The following STAP1 variants were observed in gnomAD, a reference collection of about 807,000 sequenced individuals.
STAP1 encodes signal-transducing adaptor protein 1.
STAP1 carries 30 observed loss-of-function variants against 37.8 expected under a neutral mutation model. That is an observed-to-expected ratio of 0.79 (90% CI 0.59 to 1.08). STAP1 has a LOEUF of 1.08. Ranked by LOEUF, STAP1 falls within the 50% of genes least tolerant of loss-of-function variation. STAP1 has a pLI of 0.00. For synonymous variants in STAP1, 130 were observed against 116.0 expected (o/e 1.12, Z -0.78); for missense variants, 357 against 349.4 (o/e 1.02, Z -0.17).
intron 5 of STAP1, among the ~76,000 whole-genome samples, chr4:67,583,317 A>T (rs940088435): frequency 3.9e-5 from 6 of 152,234 alleles, no homozygotes; most frequent in Non-Finnish European, 7.3e-5. Flanking sequence ...ACTGATCAGT[A>T]GATAACTTTT....
At chr4:67,589,327 GA>G (rs1248620515) in intron 6 of STAP1, among the ~76,000 whole-genome samples, 1 of 152,170 alleles carries the variant, frequency 6.6e-6, no homozygotes, top group Non-Finnish European at 1.5e-5. Context: ...TTTTAGGAAG[GA>G]AAAGGGTTGG....
intron 6 of STAP1, among the ~76,000 whole-genome samples, chr4:67,588,794 A>T (rs961029529): frequency 4.6e-5 from 7 of 152,160 alleles, no homozygotes; most frequent in Admixed American, 4.6e-4. Flanking sequence ...ACTGGCAAAC[A>T]TTTCCTTCAG....
chr4:67,570,982 T>C, intron 1 of STAP1, 102 bp from the exon 2 acceptor site: 1 of 921,214 alleles, frequency 1.1e-6, no homozygotes, highest in Non-Finnish European at 1.7e-6. Context: ...AGAAGACTTC[T>C]TATATCACAC....
In STAP1 at chr4:67,565,920, C is replaced by G. The variant is rs1005607423; in HGVS notation, c.121-5164C>G. On this transcript the variant is annotated intron_variant, in intron 1 of 8. Transcript: ENST00000265404. ...GCAGTCATACCCACTTCTCTTCCCCCCTCAACCCAACTGCTTTTTTTTTTT... is the reference window on the plus strand; with the variant it reads ...GCAGTCATACCCACTTCTCTTCCCCGCTCAACCCAACTGCTTTTTTTTTTT... Among the ~76,000 whole-genome samples, 8 of 151,004 alleles carry G rather than the reference C, an allele frequency of 5.3e-5. No homozygotes were observed. The East Asian group carries it at 1.2e-3, about 22-fold the overall frequency.
intron 6 of STAP1, among the ~76,000 whole-genome samples, chr4:67,589,193 G>T (rs1728068269): frequency 6.6e-6 from 1 of 152,200 alleles, no homozygotes; most frequent in Non-Finnish European, 1.5e-5. Flanking sequence ...TTATTATGAT[G>T]TGATAAAGAT....
intron 2 of STAP1, among the ~76,000 whole-genome samples, chr4:67,572,779 A>G (rs1727634564): frequency 6.6e-6 from 1 of 152,230 alleles, no homozygotes; most frequent in African/African-American, 2.4e-5. Flanking sequence ...TGCATTGCCT[A>G]ATTTAAGTCT....
intron 3 of STAP1, among the ~76,000 whole-genome samples, chr4:67,576,602 G>T (rs1727725896): frequency 6.6e-6 from 1 of 152,096 alleles, no homozygotes. Flanking sequence ...GACCTCCCAG[G>T]CTCAAGCAAC....
At chr4:67,568,681 T>C in intron 1 of STAP1, among the ~76,000 whole-genome samples, 1 of 152,216 alleles carries the variant, frequency 6.6e-6, no homozygotes, top group Non-Finnish European at 1.5e-5. Flanking sequence ...AAGTTCAGCT[T>C]TGATGGTGTT....
At chr4:67,582,604 A>G (rs1425263100) in intron 5 of STAP1, among the ~76,000 whole-genome samples, 2 of 149,972 alleles carry the variant, frequency 1.3e-5, no homozygotes, top group Non-Finnish European at 3.0e-5. Flanking sequence ...CACCATGCCC[A>G]GGCTTCTACC....
intron 1 of STAP1, among the ~76,000 whole-genome samples, chr4:67,567,370 G>A (rs184262122): frequency 1.8e-3 from 267 of 151,996 alleles, no homozygotes; most frequent in Non-Finnish European, 3.3e-3. Flanking sequence ...TTCTCAACTG[G>A]GGGGAGGATA....
intron 2 of STAP1, among the ~76,000 whole-genome samples, chr4:67,573,879 A>G (rs982237390): frequency 5.9e-5 from 9 of 152,246 alleles, no homozygotes; most frequent in African/African-American, 2.2e-4. Flanking sequence ...AGAACTCAAG[A>G]ATGAGGCTAA....
intron 1 of STAP1, among the ~76,000 whole-genome samples, chr4:67,566,862 G>A (rs1322717080): frequency 6.6e-6 from 1 of 151,958 alleles, no homozygotes; most frequent in Non-Finnish European, 1.5e-5. Flanking sequence ...CCTAGCTACT[G>A]GGGAGGCTGA....
intron 1 of STAP1, among the ~76,000 whole-genome samples, chr4:67,559,278 A>T (rs943731766): frequency 2.0e-5 from 3 of 152,150 alleles, no homozygotes; most frequent in Admixed American, 1.3e-4. Flanking sequence ...ATTTATTGCT[A>T]TGCTTCAATG....
At chr4:67,567,369 G>T (rs200934996) in intron 1 of STAP1, among the ~76,000 whole-genome samples, 5 of 50,168 alleles carry the variant, frequency 1.0e-4, no homozygotes, top group African/African-American at 2.8e-4. Context: ...GTTCTCAACT[G>T]GGGGGAGGAT....
At chr4:67,588,039 TAAAAAAAAAA>T (rs3032636) in intron 6 of STAP1, among the ~76,000 whole-genome samples, 17 of 85,636 alleles carry the variant, frequency 2.0e-4, no homozygotes, top group East Asian at 1.9e-3. Flanking sequence ...CACATTTTCT[TAAAAAAAAAA>T]AAAAAAAAAA....
intron 8 of STAP1, among the ~76,000 whole-genome samples, chr4:67,606,086 A>G (rs1268999572): frequency 6.6e-6 from 1 of 152,180 alleles, no homozygotes; most frequent in Non-Finnish European, 1.5e-5. Context: ...AAAGAGGAAG[A>G]AAAAAATTAT....
Position 67,606,939 on chromosome 4 carries a change from T to C in STAP1, c.*582T>C, listed in dbSNP as rs1267526303. The C allele has an allele frequency of 6.6e-6, 1 of 152,194 alleles. No homozygotes were observed. The highest frequency in any genetic ancestry group is 1.5e-5 in the Non-Finnish European group (1 of 68,036). 9.4% of individuals were successfully genotyped at this position (152,194 alleles called of 1,614,324 possible). On this transcript the variant is annotated 3_prime_UTR_variant, in exon 9 of 9. Transcript: ENST00000265404. ...CTTTTTGCCACTCAAAATCAGCCCA[T>C]TATTTCCTTACAAAGATGGTGAAAG... is the stretch of plus-strand genomic sequence containing the variant.
intron 4 of STAP1, among the ~76,000 whole-genome samples, chr4:67,580,074 T>C (rs762616103): frequency 6.6e-6 from 1 of 152,110 alleles, no homozygotes; most frequent in Non-Finnish European, 1.5e-5. Flanking sequence ...GCCAGGCTGA[T>C]CTTGAACTCT....
chr4:67,589,467 G>T (rs1032865751), intron 6 of STAP1, among the ~76,000 whole-genome samples: 1 of 152,154 alleles, frequency 6.6e-6, no homozygotes, highest in Non-Finnish European at 1.5e-5. Flanking sequence ...GAAGACTTCA[G>T]TTTCAGTCCT....
Sources: gnomAD v4.1 joint callset for allele counts (sites outside exome capture counted in the v4.1 genomes callset) on GRCh38, gnomAD v4.1.1 for gene constraint, MANE v1.5 for transcripts, NCBI Gene and HGNC (gene_info 2026-07-23, HGNC 2026-07-21) for gene names.